LMX1A: variants seen among roughly 807,000 people sequenced by gnomAD.
LMX1A encodes the protein LIM homeobox transcription factor 1-alpha.
A neutral mutation model predicts 49.1 loss-of-function variants in LMX1A; 15 were observed. The observed-to-expected ratio is 0.31, with a 90% CI of 0.20 to 0.47. LMX1A has a LOEUF of 0.47. LMX1A is among the 20% of genes least tolerant of loss of function. The pLI, the probability that LMX1A is intolerant of heterozygous loss-of-function variation, is 1.00. For synonymous variants in LMX1A, 167 were observed against 185.7 expected, an observed-to-expected ratio of 0.90 and a Z score of 0.82; for missense variants, 372 against 475.8, an observed-to-expected ratio of 0.78 and a Z score of 2.03.
chr1:165,269,110 C>T (rs1481065368), intron 3 of LMX1A, among the ~76,000 whole-genome samples: 5 of 152,206 alleles, frequency 3.3e-5, no homozygotes, highest in Non-Finnish European at 5.9e-5. Context: ...TCACCAAGAA[C>T]ATTTCAGTCC....
At chr1:165,341,061 C>A (rs1279844298) in intron 3 of LMX1A, among the ~76,000 whole-genome samples, 1 of 152,146 alleles carries the variant, frequency 6.6e-6, no homozygotes, top group Non-Finnish European at 1.5e-5. Flanking sequence ...AGTTTGCCAC[C>A]AGAATTACCT....
At chr1:165,336,849 G>A (rs1057335506) in intron 3 of LMX1A, among the ~76,000 whole-genome samples, 2 of 152,102 alleles carry the variant, frequency 1.3e-5, no homozygotes, top group African/African-American at 4.8e-5. Flanking sequence ...AATCTGATGG[G>A]GAGAACAAAC....
In LMX1A at chr1:165,238,938, G is replaced by A. The variant is rs33999618; in HGVS notation, c.496+10470C>T. The stretch of plus-strand genomic sequence containing the variant: ...TGTTCATCTTCTTCCTCTGTAGAAC[G>A]GAAATAATAACATTGCTTTCCTCAT... On this transcript the variant is annotated intron_variant, in intron 4 of 8. Coordinates refer to ENST00000342310, the MANE Select transcript of LMX1A (RefSeq NM_177398.4). 3.3e-5 allele frequency among the ~76,000 whole-genome samples: 5 copies of A among 152,232 alleles called. No individual in the cohort carries two copies. The South Asian group carries it at 6.2e-4, about 19-fold the overall frequency.
intron 3 of LMX1A, among the ~76,000 whole-genome samples, chr1:165,288,532 G>C (rs1654363497): frequency 6.6e-6 from 1 of 152,082 alleles, no homozygotes; most frequent in South Asian, 2.1e-4. Context: ...AACCCCTCCT[G>C]GGCCGGTCCT....
At chr1:165,313,471 C>CTTTTTTTTTTTTTTTTT (rs34912339) in intron 3 of LMX1A, among the ~76,000 whole-genome samples, 34 of 114,820 alleles carry the variant, frequency 3.0e-4, no homozygotes, top group Non-Finnish European at 4.2e-4. Context: ...CACCTTCTTC[C>CTTTTTTTTTTTTTTTTT]TTTTTTTTTT....
chr1:165,251,152 G>A (rs1432654639), intron 3 of LMX1A, among the ~76,000 whole-genome samples: 3 of 150,884 alleles, frequency 2.0e-5, no homozygotes, highest in Admixed American at 1.3e-4. Context: ...GCGTGATCTC[G>A]GCTCACTGCA....
intron 3 of LMX1A, among the ~76,000 whole-genome samples, chr1:165,293,512 C>G (rs187167973): frequency 6.6e-6 from 1 of 152,194 alleles, no homozygotes; most frequent in African/African-American, 2.4e-5. Context: ...GGCATTCGAA[C>G]TAAAACTCAG....
intron 3 of LMX1A, among the ~76,000 whole-genome samples, chr1:165,254,474 G>A (rs1044368898): frequency 3.3e-5 from 5 of 151,918 alleles, no homozygotes; most frequent in African/African-American, 4.8e-5. Flanking sequence ...GATCAACTTC[G>A]TCTTACTACC....
chr1:165,329,611 AC>A (rs968479606), intron 3 of LMX1A, among the ~76,000 whole-genome samples: 3 of 148,424 alleles, frequency 2.0e-5, no homozygotes, highest in African/African-American at 5.0e-5. Context: ...CCCACATGCA[AC>A]CCCCCCACCC....
intron 3 of LMX1A, among the ~76,000 whole-genome samples, chr1:165,300,344 G>A (rs1654743973): frequency 6.6e-6 from 1 of 152,164 alleles, no homozygotes; most frequent in Non-Finnish European, 1.5e-5. Flanking sequence ...ATGTTCACTT[G>A]GATTGGGGCA....
intron 3 of LMX1A, among the ~76,000 whole-genome samples, chr1:165,348,941 A>C (rs1656332304): frequency 2.0e-5 from 3 of 152,162 alleles, no homozygotes. Flanking sequence ...AAGGGAAGAA[A>C]ACATCCACTG....
At chr1:165,350,905 C>A (rs1290261548) in intron 3 of LMX1A, among the ~76,000 whole-genome samples, 2 of 152,186 alleles carry the variant, frequency 1.3e-5, no homozygotes, top group East Asian at 3.9e-4. Context: ...TCTGTAAAAT[C>A]TTCTTGGTTC....
intron 3 of LMX1A, among the ~76,000 whole-genome samples, chr1:165,326,396 T>C (rs980329473): frequency 1.3e-5 from 2 of 152,200 alleles, no homozygotes; most frequent in East Asian, 3.9e-4. Context: ...CTTTGCAGAC[T>C]CCCCACAAAT....
chr1:165,254,000 C>T (rs920946041), intron 3 of LMX1A, among the ~76,000 whole-genome samples: 4 of 152,152 alleles, frequency 2.6e-5, no homozygotes, highest in Non-Finnish European at 2.9e-5. Flanking sequence ...TTGCTGTTTG[C>T]CAACCTGAGC....
chr1:165,265,893 C>G (rs1270674487), intron 3 of LMX1A, among the ~76,000 whole-genome samples: 1 of 152,034 alleles, frequency 6.6e-6, no homozygotes, highest in African/African-American at 2.4e-5. Flanking sequence ...AGAAATATGA[C>G]TTTCATAGCA....
At chr1:165,219,996 G>A (rs971064632) in intron 4 of LMX1A, among the ~76,000 whole-genome samples, 1 of 152,178 alleles carries the variant, frequency 6.6e-6, no homozygotes, top group Admixed American at 6.5e-5. Context: ...ACCAGGAGTT[G>A]CCAGGGAGAA....
intron 3 of LMX1A, among the ~76,000 whole-genome samples, chr1:165,293,645 A>G (rs1447059547): frequency 6.6e-6 from 1 of 152,240 alleles, no homozygotes; most frequent in African/African-American, 2.4e-5. Flanking sequence ...CAGCTTAGAA[A>G]CAACAGATGT....
At chr1:165,204,201 T>C (rs1195182824) in intron 8 of LMX1A, among the ~76,000 whole-genome samples, 161 bp from the exon 9 acceptor site, 1 of 152,284 alleles carries the variant, frequency 6.6e-6, no homozygotes, top group South Asian at 2.1e-4. Context: ...AAGTCCAAAG[T>C]GCAACAAGTG....
intron 3 of LMX1A, among the ~76,000 whole-genome samples, chr1:165,305,309 T>C (rs765461768): frequency 6.6e-5 from 10 of 152,012 alleles, no homozygotes; most frequent in Non-Finnish European, 1.5e-4. Flanking sequence ...AAAGGGCCCC[T>C]CCACTGGAAA....
Sources: gnomAD v4.1 joint callset for allele counts (sites outside exome capture counted in the v4.1 genomes callset) on GRCh38, gnomAD v4.1.1 for gene constraint, MANE v1.5 for transcripts, NCBI Gene and HGNC (gene_info 2026-07-23, HGNC 2026-07-21) for gene names.